CMIP: variants seen among roughly 807,000 people sequenced by gnomAD.
CMIP encodes the protein c-Maf inducing protein, also known as C-Maf-inducing protein.
Under a neutral mutation model 97.3 loss-of-function variants are expected in CMIP, and 13 were observed. The ratio of observed to expected loss-of-function variants is 0.13; its 90% CI spans 0.09 to 0.21. The LOEUF is 0.21. CMIP is among the 10% of genes least tolerant of loss of function. The pLI is 1.00. For synonymous variants in CMIP, 538 were observed against 436.3 expected, an observed-to-expected ratio of 1.23 and a Z score of -2.91; for missense variants, 847 against 1,024.9, an observed-to-expected ratio of 0.83 and a Z score of 2.37.
chr16:81,627,911 C>T lies in CMIP; in HGVS notation c.477+6985C>T, dbSNP rs2092096648. Among the ~76,000 whole-genome samples, 1 of 152,164 alleles carries T rather than the reference C, an allele frequency of 6.6e-6. No homozygotes were observed. The highest frequency in any genetic ancestry group is 2.4e-5 in the African/African-American group (1 of 41,440). ...GCACCAAGGCAAAGTGCCTGGGGCT[C>T]AGAGAGGGGAAGCCCACCTGACGGG... On this transcript the variant is annotated intron_variant, in intron 3 of 20. Transcript: ENST00000537098. This position sits in a 1 kb window ranked among gnomAD's most constrained non-coding sequence, Gnocchi z 4.6.
At chr16:81,565,926 C>T (rs1216994474) in intron 1 of CMIP, among the ~76,000 whole-genome samples, 22 of 152,184 alleles carry the variant, frequency 1.4e-4, no homozygotes, top group Admixed American at 1.4e-3. Context: ...CATGCCCCTG[C>T]GCCCTCCTTC....
intron 1 of CMIP, among the ~76,000 whole-genome samples, chr16:81,594,684 G>T (rs1449254463): frequency 2.6e-5 from 4 of 151,850 alleles, no homozygotes; most frequent in Non-Finnish European, 5.9e-5. Context: ...TGCGATCTCG[G>T]CTCACTGCAA....
intron 1 of CMIP, among the ~76,000 whole-genome samples, chr16:81,598,259 G>A (rs536460375): frequency 1.3e-5 from 2 of 152,076 alleles, no homozygotes; most frequent in African/African-American, 2.4e-5. Context: ...CTACAACAGA[G>A]CTGACCAACA....
At chr16:81,500,793 C>A (rs2089595235) in intron 1 of CMIP, among the ~76,000 whole-genome samples, 1 of 151,954 alleles carries the variant, frequency 6.6e-6, no homozygotes, top group South Asian at 2.1e-4. Context: ...CCTCCCCGGC[C>A]CACTGTTTCC....
intron 3 of CMIP, among the ~76,000 whole-genome samples, chr16:81,642,821 G>A (rs556107726): frequency 2.0e-5 from 3 of 152,158 alleles, no homozygotes; most frequent in Middle Eastern, 3.4e-3. Context: ...GCTTGAACCC[G>A]GGAGGCGGAG....
At chr16:81,668,519 A>ACGGCAGCCACCACATATGGC (rs1391048894) in intron 7 of CMIP, among the ~76,000 whole-genome samples, 8 of 152,136 alleles carry the variant, frequency 5.3e-5, no homozygotes, top group Non-Finnish European at 1.2e-4. Flanking sequence ...GAGGCCGAGC[A>ACGGCAGCCACCACATATGGC]CGGCAGCCAC....
At chr16:81,535,116 A>C (rs560626020) in intron 1 of CMIP, among the ~76,000 whole-genome samples, 1 of 152,164 alleles carries the variant, frequency 6.6e-6, no homozygotes, top group Non-Finnish European at 1.5e-5. Flanking sequence ...ATGCCCAGCT[A>C]ATTTTTTGTA....
chr16:81,553,358 G>A (rs919691948), intron 1 of CMIP, among the ~76,000 whole-genome samples: 15 of 152,208 alleles, frequency 9.9e-5, no homozygotes, highest in African/African-American at 2.9e-4. Flanking sequence ...GACCGTATTT[G>A]CAAAAGCAAC....
At chr16:81,700,999 C>T (rs1907335567) in intron 15 of CMIP, among the ~76,000 whole-genome samples, 1 of 151,932 alleles carries the variant, frequency 6.6e-6, no homozygotes, top group Non-Finnish European at 1.5e-5. Flanking sequence ...GTGAGAAGTT[C>T]TAGAACTGAG....
chr16:81,637,226 A>G (rs2092248552), intron 3 of CMIP, among the ~76,000 whole-genome samples: 1 of 152,122 alleles, frequency 6.6e-6, no homozygotes, highest in South Asian at 2.1e-4. Flanking sequence ...GCGTGCCACC[A>G]TGCCCAGCTA....
chr16:81,489,937 GAC>G (rs952574860), intron 1 of CMIP, among the ~76,000 whole-genome samples: 1 of 152,248 alleles, frequency 6.6e-6, no homozygotes, highest in African/African-American at 2.4e-5. Flanking sequence ...GCTGCAGAAA[GAC>G]AGTTTTTTAT....
intron 1 of CMIP, among the ~76,000 whole-genome samples, chr16:81,549,380 G>C (rs2150852820): frequency 6.6e-6 from 1 of 152,314 alleles, no homozygotes; most frequent in East Asian, 1.9e-4. Context: ...TTCTTCATTG[G>C]ACTTTGTCAC....
chr16:81,697,531 T>C (rs1906877615), intron 14 of CMIP: 1 of 152,288 alleles, frequency 6.6e-6, no homozygotes, highest in Non-Finnish European at 1.5e-5. Flanking sequence ...GGGAGCTAGC[T>C]TGTTGACCTT....
At position 81,693,353 on chromosome 16, in the gene CMIP, T is replaced by C. The variant is rs1906326676; in HGVS notation, c.1482-86T>C. 3 of 1,548,878 alleles carry C rather than the reference T, an allele frequency of 1.9e-6. No homozygotes were observed. In the African/African-American group the frequency reaches 4.1e-5, roughly 21 times the overall value. On this transcript the variant is annotated intron_variant, in intron 12 of 20. Coordinates refer to ENST00000537098, the MANE Select transcript of CMIP (RefSeq NM_198390.3). Reference sequence around the variant, plus strand: ...CCTTGCCCAGCTCCCTGGCCCGTTCTTCCTTGACACCATCCCCTCCCCTTC... The same window carrying C: ...CCTTGCCCAGCTCCCTGGCCCGTTCCTCCTTGACACCATCCCCTCCCCTTC...
chr16:81,467,732 C>A (rs1029662870), intron 1 of CMIP, among the ~76,000 whole-genome samples: 2 of 151,796 alleles, frequency 1.3e-5, no homozygotes, highest in African/African-American at 2.4e-5. Flanking sequence ...AGGCATGTGC[C>A]ACCATGCCTG....
At chr16:81,501,529 C>G (rs1229130155) in intron 1 of CMIP, among the ~76,000 whole-genome samples, 1 of 150,470 alleles carries the variant, frequency 6.6e-6, no homozygotes, top group Non-Finnish European at 1.5e-5. Flanking sequence ...AATGCGGTAG[C>G]TGGGGGTGGA....
intron 1 of CMIP, among the ~76,000 whole-genome samples, chr16:81,449,201 CAG>C (rs1260846002): frequency 2.6e-5 from 4 of 152,200 alleles, no homozygotes; most frequent in Admixed American, 6.5e-5. Context: ...TGGATCCACT[CAG>C]AAAGTCCTTT....
chr16:81,577,531 CCCA>C (rs2091215760), intron 1 of CMIP, among the ~76,000 whole-genome samples: 1 of 142,496 alleles, frequency 7.0e-6, no homozygotes, highest in Non-Finnish European at 1.5e-5. Flanking sequence ...CACCATCATC[CCCA>C]TTACAACTAT....
At position 81,597,593 on chromosome 16, in the gene CMIP, C is replaced by T. The variant is rs74563678; in HGVS notation, c.301-9974C>T. Among the ~76,000 whole-genome samples the T allele has an allele frequency of 1.8e-4, 10 of 54,234 alleles. No individual in the cohort carries two copies. In the South Asian group the frequency reaches 4.1e-3, roughly 22 times the overall value. 35.6% of individuals were successfully genotyped at this position (54,234 alleles called of 152,430 possible). ...AGATGTGGGAGGTGAGCGAGGGGAG[C>T]GGGGGGGGGGGAGTCTCCCAGCCTG... On this transcript the variant is annotated intron_variant, in intron 1 of 20. Coordinates refer to ENST00000537098, the MANE Select transcript of CMIP (RefSeq NM_198390.3).
Sources: allele counts gnomAD v4.1 joint callset (sites outside exome capture counted in the v4.1 genomes callset), GRCh38; gene constraint gnomAD v4.1.1; non-coding constraint Gnocchi (gnomAD v3.1); transcripts MANE v1.5; gene names NCBI Gene and HGNC (gene_info 2026-07-23, HGNC 2026-07-21).